The following EPHB1 variants were observed in gnomAD, a reference collection of about 807,000 sequenced individuals.
EPHB1 encodes the protein ephrin type-B receptor 1.
Under a neutral mutation model 94.4 loss-of-function variants are expected in EPHB1, and 30 were observed. The ratio of observed to expected loss-of-function variants is 0.32; its 90% CI spans 0.24 to 0.43. The LOEUF (loss-of-function observed/expected upper bound fraction) is 0.43, where lower values mean the gene tolerates loss of function less well. EPHB1 is among the 20% of genes least tolerant of loss of function. The probability of loss-of-function intolerance (pLI) is 1.00; values close to 1 mark genes in which losing one functional copy is unlikely to be tolerated. For missense variants in EPHB1, 1,055 were observed against 1,308.3 expected, an observed-to-expected ratio of 0.81 and a Z score of 2.99; for synonymous variants, 522 against 489.1, an observed-to-expected ratio of 1.07 and a Z score of -0.89.
chr3:135,081,744 A>G (rs980887742), intron 3 of EPHB1, among the ~76,000 whole-genome samples: 1 of 152,048 alleles, frequency 6.6e-6, no homozygotes. Context: ...GAGGAGTATA[A>G]TGGGGCTGAT....
At chr3:135,076,928 G>T (rs1194902831) in intron 3 of EPHB1, among the ~76,000 whole-genome samples, 1 of 152,164 alleles carries the variant, frequency 6.6e-6, no homozygotes, top group Non-Finnish European at 1.5e-5. Context: ...CTAGAATTAG[G>T]GGGTAGGAGC....
At chr3:134,829,107 C>G (rs2036536817) in intron 1 of EPHB1, among the ~76,000 whole-genome samples, 1 of 152,186 alleles carries the variant, frequency 6.6e-6, no homozygotes, top group South Asian at 2.1e-4. Flanking sequence ...AAGGAAAACT[C>G]TCATATGGAG....
intron 3 of EPHB1, among the ~76,000 whole-genome samples, chr3:135,065,572 A>G (rs1937570516): frequency 6.6e-6 from 1 of 152,170 alleles, no homozygotes; most frequent in African/African-American, 2.4e-5. Flanking sequence ...TTTTAGTTAT[A>G]TGAGTCTGTC....
In EPHB1 at chr3:135,005,842, A is replaced by G. The variant is rs1162424162; in HGVS notation, c.805+53790A>G. ...TCGCGCACGGTGCACGCACCCACTG[A>G]CCTGCGCCCACTGTCTGGCACTCCC... On this transcript the variant is annotated intron_variant, in intron 3 of 15. Transcript: ENST00000398015. Among the ~76,000 whole-genome samples the G allele has an allele frequency of 3.9e-5, 6 of 152,300 alleles. No individual in the cohort carries two copies. The South Asian group carries it at 1.0e-3, about 26-fold the overall frequency.
chr3:134,963,181 CCTTCTTCCTT>C, intron 3 of EPHB1, among the ~76,000 whole-genome samples: 1 of 139,422 alleles, frequency 7.2e-6, no homozygotes. Flanking sequence ...TTCCTTCCTT[CCTTCTTCCTT>C]CTTCTTCTGT....
rs112122595 is a variant in EPHB1, at chr3:135,228,487, G to A, written c.2347-12661G>A. ...CAATTTATATTCTTGCATAGCTTAC[G>A]AGATTTGCCCATTTTCACATCCTCT... On this transcript the variant is annotated intron_variant, in intron 12 of 15. Transcript: ENST00000398015. 8.0e-3 allele frequency among the ~76,000 whole-genome samples: 1,210 copies of A among 152,138 alleles called. 9 individuals are homozygous for A. Among genetic ancestry groups the A allele is most frequent in the African/African-American group, 0.027 (1,116 of 41,488 alleles).
At chr3:135,205,831 T>G (rs1404394061) in intron 12 of EPHB1, among the ~76,000 whole-genome samples, 3 of 152,232 alleles carry the variant, frequency 2.0e-5, no homozygotes, top group Non-Finnish European at 2.9e-5. Flanking sequence ...CCTAGCCATT[T>G]TAGCATACAT....
chr3:135,126,412 G>T (rs55872759), intron 4 of EPHB1, among the ~76,000 whole-genome samples: 16,773 of 152,096 alleles, frequency 0.11, 1,457 homozygotes, highest in African/African-American at 0.24. Flanking sequence ...TAAAGGAAAG[G>T]TTTCCTTTCC....
intron 12 of EPHB1, among the ~76,000 whole-genome samples, chr3:135,229,844 T>C (rs1943490479): frequency 6.6e-6 from 1 of 152,178 alleles, no homozygotes; most frequent in East Asian, 1.9e-4. Flanking sequence ...AGGAAGCCCA[T>C]GTAGCCTCCA....
chr3:135,191,179 G>GC (rs1486039311), intron 10 of EPHB1, among the ~76,000 whole-genome samples: 4 of 152,094 alleles, frequency 2.6e-5, no homozygotes, highest in South Asian at 4.2e-4. Flanking sequence ...AAAAAGAACA[G>GC]CCCCCCCAAA....
At chr3:135,169,321 G>A (rs988217306) in intron 9 of EPHB1, among the ~76,000 whole-genome samples, 2 of 152,106 alleles carry the variant, frequency 1.3e-5, no homozygotes, top group Non-Finnish European at 2.9e-5. Context: ...ATGGATGCAG[G>A]GTTTTTTGTG....
At chr3:134,982,145 A>G (rs1323559178) in intron 3 of EPHB1, among the ~76,000 whole-genome samples, 2 of 152,238 alleles carry the variant, frequency 1.3e-5, no homozygotes, top group African/African-American at 4.8e-5. Flanking sequence ...TGGCTACATT[A>G]CACTTATCTT....
intron 3 of EPHB1, among the ~76,000 whole-genome samples, chr3:135,070,749 T>C (rs567520222): frequency 6.6e-6 from 1 of 152,308 alleles, no homozygotes; most frequent in South Asian, 2.1e-4. Context: ...ATTTAACTTC[T>C]AGGTTTTAGA....
Position 134,806,792 on chromosome 3 carries a change from C to T in EPHB1, c.58+11103C>T, listed in dbSNP as rs575570866. 1.4e-4 allele frequency among the ~76,000 whole-genome samples: 22 copies of T among 152,188 alleles called. No individual in the cohort carries two copies. The South Asian group carries it at 4.6e-3, about 32-fold the overall frequency. On this transcript the variant is annotated intron_variant, in intron 1 of 15. Transcript: ENST00000398015. The stretch of plus-strand genomic sequence containing the variant: ...GCACAAAACCAGAAATATTACAGCC[C>T]TTGGGAGCATACATCCTATTGGGGG...
intron 12 of EPHB1, among the ~76,000 whole-genome samples, chr3:135,224,412 T>C (rs1559881343): frequency 6.6e-6 from 1 of 152,246 alleles, no homozygotes; most frequent in Non-Finnish European, 1.5e-5. Flanking sequence ...TAATCCTACA[T>C]AAATGTTGTG....
intron 6 of EPHB1, among the ~76,000 whole-genome samples, chr3:135,156,868 C>T (rs1356192934): frequency 6.6e-6 from 1 of 152,136 alleles, no homozygotes; most frequent in African/African-American, 2.4e-5. Context: ...ACTAACTGAC[C>T]ACATGGTCTC....
At chr3:134,918,059 G>C (rs1477810136) in intron 1 of EPHB1, among the ~76,000 whole-genome samples, 2 of 152,222 alleles carry the variant, frequency 1.3e-5, no homozygotes, top group Non-Finnish European at 2.9e-5. Context: ...CATTTATATT[G>C]TATGAGGGCA....
intron 1 of EPHB1, among the ~76,000 whole-genome samples, chr3:134,900,867 G>C (rs2038185866): frequency 6.6e-6 from 1 of 152,104 alleles, no homozygotes; most frequent in South Asian, 2.1e-4. Context: ...CATTGTGTTG[G>C]AAGGTCTCAA....
chr3:135,229,610 G>A (rs1943486794), intron 12 of EPHB1, among the ~76,000 whole-genome samples: 1 of 152,166 alleles, frequency 6.6e-6, no homozygotes, highest in East Asian at 1.9e-4. Flanking sequence ...ATAATTGAAG[G>A]CCATGATAAG....
Sources: allele counts gnomAD v4.1 joint callset (sites outside exome capture counted in the v4.1 genomes callset), GRCh38; gene constraint gnomAD v4.1.1; transcripts MANE v1.5; gene names NCBI Gene and HGNC (gene_info 2026-07-23, HGNC 2026-07-21).